The following HYI variants were observed in gnomAD, a reference collection of about 807,000 sequenced individuals.
The protein encoded by HYI is putative hydroxypyruvate isomerase.
HYI carries 47 observed loss-of-function variants against 39.7 expected under a neutral mutation model. That is an observed-to-expected ratio of 1.18 (90% CI 0.94 to 1.51). The LOEUF is 1.51. Among genes scored for constraint, HYI ranks in the 40% most tolerant of loss-of-function variants. The pLI, the probability that HYI is intolerant of heterozygous loss-of-function variation, is 0.00. For synonymous variants in HYI, 186 were observed against 158.8 expected, an observed-to-expected ratio of 1.17 and a Z score of -1.29; for missense variants, 465 against 370.3, an observed-to-expected ratio of 1.26 and a Z score of -2.10.
Position 43,453,516 on chromosome 1 carries a change from T to C in HYI, c.200-19A>G. 1 of 1,537,416 alleles carries C rather than the reference T, an allele frequency of 6.5e-7. No homozygotes were observed. Among genetic ancestry groups the C allele is most frequent in the South Asian group, 1.2e-5 (1 of 82,430 alleles). On this transcript the variant is annotated intron_variant, in intron 1 of 7. Transcript: ENST00000372430. Reference sequence around the variant, plus strand: ...TGGTCTCCTGCAGAGAGAACGGGCCTCAGCCCCCGGCTCGGACACTCCCCT... The same window carrying C: ...TGGTCTCCTGCAGAGAGAACGGGCCCCAGCCCCCGGCTCGGACACTCCCCT...
downstream of HYI, chr1:43,450,620 T>TGTCTTGA: frequency 7.8e-7 from 1 of 1,289,216 alleles, no homozygotes; most frequent in Non-Finnish European, 1.1e-6. The surrounding 1 kb of genome is among the most constrained non-coding windows in gnomAD (Gnocchi z 4.3). Flanking sequence ...TTTGTAACTA[T>TGTCTTGA]GTCTTGAGGG....
Position 43,453,458 on chromosome 1 carries a change from G to C in HYI, c.239C>G (p.Pro80Arg). 1.9e-6 allele frequency: 3 copies of C among 1,563,790 alleles called. No homozygotes were observed. The highest frequency in any genetic ancestry group is 2.6e-6 in the Non-Finnish European group (3 of 1,153,078). The change falls in exon 2 of 8, where the codon CCC (proline) becomes CGC (arginine). Residue 80 changes from proline (P) to arginine (R), a missense_variant. Transcript: ENST00000372430. The part of the protein sequence containing the change: ...EKGEMGLGAV[P>R]GRQAAFREGL... ...CTCTCGGAAGGCCGCCTGTCTCCCG[G>C]GGACGGCCCCCAGCCCCATTTCCCC...
intron 5 of HYI, 25 bp downstream of exon 5, chr1:43,451,773 C>T (rs1656459361): frequency 5.0e-6 from 8 of 1,614,068 alleles, no homozygotes; most frequent in Non-Finnish European, 6.8e-6. Context: ...TCCTTCCGAT[C>T]TGCGAAGTAC....
chr1:43,451,742 G>C (rs375556306), intron 5 of HYI, 25 bp from the exon 6 acceptor site: 14 of 1,613,522 alleles, frequency 8.7e-6, no homozygotes, highest in Non-Finnish European at 1.0e-5. Flanking sequence ...ACTACATTCC[G>C]AGACCCCGCA....
Position 43,451,083 on chromosome 1 carries a change from G to A in HYI, c.*155C>T, listed in dbSNP as rs1301318013. On this transcript the variant is annotated 3_prime_UTR_variant, in exon 8 of 8. Coordinates refer to ENST00000372430, the MANE Select transcript of HYI (RefSeq NM_001190880.3). The stretch of plus-strand genomic sequence containing the variant: ...AACCCTGGCACTGGCTTCTCAATGG[G>A]AGGGAAGCAGCAGAGAAACTGAAGT... 1.2e-6 allele frequency: 1 copy of A among 836,328 alleles called. No individual in the cohort carries two copies. The highest frequency in any genetic ancestry group is 2.1e-6 in the Non-Finnish European group (1 of 485,164). The allele number at this position is 836,328 out of a possible 1,614,324, so 51.8% of individuals were successfully genotyped here.
chr1:43,451,598 G>A (rs1656430884), intron 6 of HYI, 50 bp downstream of exon 6: 3 of 1,613,870 alleles, frequency 1.9e-6, no homozygotes, highest in African/African-American at 1.3e-5. Context: ...GGGCCTGAAG[G>A]ACAGATGTGG....
At chr1:43,452,999 C>T in intron 2 of HYI, 1 of 1,564,922 alleles carries the variant, frequency 6.4e-7, no homozygotes, top group South Asian at 1.1e-5. Flanking sequence ...CAAGCAATGC[C>T]CACTCCTTGA....
In HYI at chr1:43,453,866, G is replaced by T. The variant is rs1656752942; in HGVS notation, c.-73C>A. ...GGGCGGCGGGCGGCGGGCGGCGGGC[G>T]GGGGCGGGGCTCTCCTTGCTGGCCC... On this transcript the variant is annotated 5_prime_UTR_variant, in exon 1 of 8. Transcript: ENST00000372430. The T allele has an allele frequency of 8.1e-7, 1 of 1,228,862 alleles. No homozygotes were observed. The highest frequency in any genetic ancestry group is 1.0e-6 in the Non-Finnish European group (1 of 986,914). 76.1% of individuals were successfully genotyped at this position (1,228,862 alleles called of 1,614,324 possible).
In HYI at chr1:43,453,907, A is replaced by G; in HGVS notation, c.-114T>C. 3 of 1,214,624 alleles carry G rather than the reference A, an allele frequency of 2.5e-6. No individual in the cohort carries two copies. The highest frequency in any genetic ancestry group is 3.1e-6 in the Non-Finnish European group (3 of 977,710). 75.2% of individuals were successfully genotyped at this position (1,214,624 alleles called of 1,614,324 possible). On this transcript the variant is annotated 5_prime_UTR_variant, in exon 1 of 8. Transcript: ENST00000372430. ...TTGCTGGCCCTGCGAACGAACGAGC[A>G]CTGTTCGTGGTTAGAAAAGCGAAGT...
At position 43,453,870 on chromosome 1, in the gene HYI, G is replaced by T; in HGVS notation, c.-77C>A. The T allele has an allele frequency of 8.1e-7, 1 of 1,228,498 alleles. No homozygotes were observed. The highest frequency in any genetic ancestry group is 1.0e-6 in the Non-Finnish European group (1 of 986,664). The allele number at this position is 1,228,498 out of a possible 1,614,324, so 76.1% of individuals were successfully genotyped here. On this transcript the variant is annotated 5_prime_UTR_variant, in exon 1 of 8. Transcript: ENST00000372430. The stretch of plus-strand genomic sequence containing the variant: ...GGCGGGCGGCGGGCGGCGGGCGGGG[G>T]CGGGGCTCTCCTTGCTGGCCCTGCG...
intron 3 of HYI, 70 bp from the exon 4 acceptor site, chr1:43,452,083 C>T (rs1656499507): frequency 1.3e-6 from 2 of 1,536,180 alleles, no homozygotes; most frequent in African/African-American, 2.7e-5. Context: ...AGTCACTGGT[C>T]AAGGCCCTCA....
chr1:43,453,903 G>A lies in HYI; in HGVS notation c.-110C>T. 4 of 1,216,660 alleles carry A rather than the reference G, an allele frequency of 3.3e-6. No homozygotes were observed. Among genetic ancestry groups the A allele is most frequent in the African/African-American group, 3.2e-5 (2 of 63,136 alleles). The allele number at this position is 1,216,660 out of a possible 1,614,324, so 75.4% of individuals were successfully genotyped here. A position where few individuals can be genotyped will look rare whatever the true frequency, so the allele number is the denominator to read the frequency against. ...CTCCTTGCTGGCCCTGCGAACGAACGAGCACTGTTCGTGGTTAGAAAAGCG... is the reference window on the plus strand; with the variant it reads ...CTCCTTGCTGGCCCTGCGAACGAACAAGCACTGTTCGTGGTTAGAAAAGCG... On this transcript the variant is annotated 5_prime_UTR_variant, in exon 1 of 8. Coordinates refer to ENST00000372430, the MANE Select transcript of HYI (RefSeq NM_001190880.3).
chr1:43,453,381 G>A lies in HYI; in HGVS notation c.311+5C>T, dbSNP rs975683949. On this transcript the variant is annotated splice_donor_5th_base_variant and intron_variant, in intron 2 of 7. Transcript: ENST00000372430. ...CAGGGGTGGGGGTGGGGTGGAGCGG[G>A]GTACCTGGGACAGCCCAGGGCTTTG... The A allele has an allele frequency of 8.4e-6, 13 of 1,539,302 alleles. No homozygotes were observed. Among genetic ancestry groups the A allele is most frequent in the Middle Eastern group, 1.7e-4 (1 of 5,976 alleles).
chr1:43,453,643 C>T lies in HYI; in HGVS notation c.151G>A (p.Ala51Thr), dbSNP rs997249942. The T allele has an allele frequency of 1.2e-5, 18 of 1,489,894 alleles. No individual in the cohort carries two copies. Among genetic ancestry groups the T allele is most frequent in the Admixed American group, 4.7e-5 (2 of 42,718 alleles). 92.3% of individuals were successfully genotyped at this position (1,489,894 alleles called of 1,614,324 possible). ...AGCCGCAGCCCCGCTTCTCGCGCGG[C>T]GCGCGCCAGCGCCTCAGGCGTCTCC... ...YAETPEALARAAREAGLRLVL... is the reference protein window; with the variant it reads ...YAETPEALARTAREAGLRLVL... Residue 51 changes from alanine to threonine, a missense_variant, in exon 1 of 8, where the codon GCC becomes ACC. Coordinates refer to ENST00000372430, the MANE Select transcript of HYI (RefSeq NM_001190880.3).
chr1:43,452,240 C>T lies in HYI; in HGVS notation c.391G>A (p.Glu131Lys). 5 of 1,613,956 alleles carry T rather than the reference C, an allele frequency of 3.1e-6. No individual in the cohort carries two copies. The highest frequency in any genetic ancestry group is 2.2e-5 in the South Asian group (2 of 91,018). Residue 131 changes from glutamate (E) to lysine (K), a missense_variant, in exon 3 of 8, where the codon GAG becomes AAG. Physicochemically the swap from Glu to Lys is moderately conservative, Grantham distance 56. Coordinates refer to ENST00000372430, the MANE Select transcript of HYI (RefSeq NM_001190880.3). ...VKAEMEAVFLENLRHAAGVLA... is the reference protein window; with the variant it reads ...VKAEMEAVFLKNLRHAAGVLA... ...ACCCCAGCTGCATGCCTCAGGTTCT[C>T]CAGAAAAACGGCCTCCATCTCAGCC...
chr1:43,450,973 G>A, downstream of HYI: 3 of 763,518 alleles, frequency 3.9e-6, no homozygotes, highest in Non-Finnish European at 7.2e-6. The surrounding 1 kb of genome is among the most constrained non-coding windows in gnomAD (Gnocchi z 4.3). Flanking sequence ...AGCACTTGTG[G>A]CCACCGTCAA....
chr1:43,452,506 C>A, intron 2 of HYI, 187 bp from the exon 3 acceptor site: 1 of 685,006 alleles, frequency 1.5e-6, no homozygotes, highest in Non-Finnish European at 2.7e-6. Context: ...CAAGCCCTTT[C>A]CCAGACATCT....
chr1:43,453,149 G>T (rs1656624392), intron 2 of HYI: 1 of 671,822 alleles, frequency 1.5e-6, no homozygotes, highest in Admixed American at 2.2e-5. Context: ...TATCTGCCTA[G>T]GCAGACTGAG....
At position 43,452,370 on chromosome 1, in the gene HYI, C is replaced by T. The variant is rs770819628; in HGVS notation, c.312-51G>A. On this transcript the variant is annotated intron_variant, in intron 2 of 7. Transcript: ENST00000372430. ...TTGCCTCCCTTGGCTCTCTCTGCAC[C>T]TCTTCCAGGATTCCCTGACTGTGCC... 1.6e-5 allele frequency: 23 copies of T among 1,421,450 alleles called. No homozygotes were observed. The South Asian group carries it at 2.5e-4, about 15-fold the overall frequency. 88.1% of individuals were successfully genotyped at this position (1,421,450 alleles called of 1,614,324 possible).
Sources: gnomAD v4.1 joint callset for allele counts on GRCh38, gnomAD v4.1.1 for gene constraint, Gnocchi (gnomAD v3.1) non-coding constraint, MANE v1.5 for transcripts, NCBI Gene and HGNC (gene_info 2026-07-23, HGNC 2026-07-21) for gene names.